The following GPRC5B variants were observed in gnomAD, a reference collection of about 807,000 sequenced individuals.
GPRC5B encodes the protein G protein-coupled receptor class C group 5 member B, also known as G protein-coupled receptor family C group 5 member B.
GPRC5B carries 16 observed loss-of-function variants against 30.1 expected under a neutral mutation model. The ratio of observed to expected loss-of-function variants is 0.53; its 90% CI spans 0.36 to 0.81. The LOEUF (loss-of-function observed/expected upper bound fraction) is 0.81, where lower values mean the gene tolerates loss of function less well. Ranked by LOEUF, GPRC5B falls within the 30% of genes least tolerant of loss-of-function variation. The pLI, the probability that GPRC5B is intolerant of heterozygous loss-of-function variation, is 0.01. For synonymous variants in GPRC5B, 241 were observed against 239.5 expected (o/e 1.01, Z -0.06); for missense variants, 428 against 544.7 (o/e 0.79, Z 2.13).
rs1474981565 is a variant in GPRC5B at position 19,857,956 on chromosome 16, C to G, written c.*2544G>C. 1 of 152,504 alleles carries G rather than the reference C, an allele frequency of 6.6e-6. No individual in the cohort carries two copies. Among genetic ancestry groups the G allele is most frequent in the East Asian group, 1.9e-4 (1 of 5,206 alleles). The allele number at this position is 152,504 out of a possible 1,614,324, so 9.4% of individuals were successfully genotyped here. On this transcript the variant is annotated 3_prime_UTR_variant, in exon 4 of 4. Transcript: ENST00000300571. ...GGGGGACAAGAGTGGCTGTTATAGA[C>G]CCAAAGCGATTTTAATAACCAGACA...
intron 1 of GPRC5B, among the ~76,000 whole-genome samples, chr16:19,873,887 C>T (rs2056741992): frequency 6.6e-6 from 1 of 152,154 alleles, no homozygotes; most frequent in African/African-American, 2.4e-5. Flanking sequence ...TCAAACGATT[C>T]TCCTGCCTCA....
intron 3 of GPRC5B, among the ~76,000 whole-genome samples, chr16:19,861,102 AAAG>A (rs1448746959): frequency 6.6e-6 from 1 of 151,748 alleles, no homozygotes; most frequent in Non-Finnish European, 1.5e-5. Context: ...AAAAAAAAAA[AAAG>A]AAGAATGCTC....
At chr16:19,865,126 C>CTCAAAAT (rs2056656554) in intron 2 of GPRC5B, among the ~76,000 whole-genome samples, 1 of 151,648 alleles carries the variant, frequency 6.6e-6, no homozygotes, top group Admixed American at 6.6e-5. Flanking sequence ...TCAGGCTGGT[C>CTCAAAAT]TCAAAATTCC....
intron 1 of GPRC5B, among the ~76,000 whole-genome samples, chr16:19,875,746 T>G (rs950180045): frequency 7.9e-5 from 12 of 152,218 alleles, no homozygotes; most frequent in Admixed American, 6.5e-4. Flanking sequence ...GCCACTGCAC[T>G]CCAGCCTGGG....
chr16:19,861,186 A>T (rs1393901313), intron 3 of GPRC5B, among the ~76,000 whole-genome samples: 2 of 151,966 alleles, frequency 1.3e-5, no homozygotes, highest in Non-Finnish European at 2.9e-5. Flanking sequence ...ACTGGCTCAG[A>T]CCTTGTTTCT....
intron 2 of GPRC5B, among the ~76,000 whole-genome samples, chr16:19,864,672 C>T (rs891124055): frequency 4.6e-5 from 7 of 152,258 alleles, no homozygotes; most frequent in Admixed American, 1.3e-4. Flanking sequence ...AACCATAGCT[C>T]CTGGGCACCG....
At chr16:19,884,087 C>T (rs913429491) in intron 1 of GPRC5B, among the ~76,000 whole-genome samples, 3 of 147,928 alleles carry the variant, frequency 2.0e-5, no homozygotes, top group South Asian at 2.2e-4. Flanking sequence ...GCCACTGCCC[C>T]CCCCGCCATT....
chr16:19,865,318 A>C (rs554566571), intron 2 of GPRC5B, among the ~76,000 whole-genome samples: 18 of 152,266 alleles, frequency 1.2e-4, no homozygotes, highest in African/African-American at 3.8e-4. Context: ...TGGGGCTTCG[A>C]TGCGTTTATC....
rs1171703658 is a variant in GPRC5B, at chr16:19,858,215, C to T, written c.*2285G>A. Reference sequence around the variant, plus strand: ...GAAAAAGAACAGCTCTCTCCCTTCTCCTCTCACTCCCGCCTCCGCCCCCAT... The same window carrying T: ...GAAAAAGAACAGCTCTCTCCCTTCTTCTCTCACTCCCGCCTCCGCCCCCAT... On this transcript the variant is annotated 3_prime_UTR_variant, in exon 4 of 4. Transcript: ENST00000300571. 2 of 340,074 alleles carry T rather than the reference C, an allele frequency of 5.9e-6. No homozygotes were observed. The highest frequency in any genetic ancestry group is 1.1e-5 in the Non-Finnish European group (2 of 190,028). The allele number at this position is 340,074 out of a possible 1,614,324, so 21.1% of individuals were successfully genotyped here.
chr16:19,861,087 T>TTAAAAAAAAAAAAAAAAAAAAAAA (rs569493402), intron 3 of GPRC5B, among the ~76,000 whole-genome samples: 1 of 93,404 alleles, frequency 1.1e-5, no homozygotes, highest in African/African-American at 4.9e-5. Context: ...CTGATTTACA[T>TTAAAAAAAAAAAAAAAAAAAAAAA]AAAAAAAAAA....
intron 2 of GPRC5B, 178 bp from the exon 3 acceptor site, chr16:19,862,151 C>T (rs2056630766): frequency 1.7e-6 from 1 of 596,662 alleles, no homozygotes. Context: ...TTCTCAGGCT[C>T]TCTAGGAGCC....
intron 2 of GPRC5B, among the ~76,000 whole-genome samples, chr16:19,863,445 G>T (rs2056642270): frequency 6.6e-6 from 1 of 150,582 alleles, no homozygotes; most frequent in African/African-American, 2.4e-5. Flanking sequence ...CACACAGCTG[G>T]TAAGGGGCAC....
At chr16:19,870,141 C>T (rs1159195125) in intron 2 of GPRC5B, among the ~76,000 whole-genome samples, 1 of 152,190 alleles carries the variant, frequency 6.6e-6, no homozygotes. Context: ...GCCCCAGCCT[C>T]CTTTTCTTCC....
intron 3 of GPRC5B, among the ~76,000 whole-genome samples, chr16:19,861,207 T>G (rs876856): frequency 0.11 from 16,991 of 151,866 alleles, 1,228 homozygotes; most frequent in East Asian, 0.25. Context: ...GAAAGAAGCA[T>G]GTAGCTATGT....
chr16:19,860,396 G>A lies in GPRC5B; in HGVS notation c.*104C>T. 2.8e-6 allele frequency: 2 copies of A among 718,556 alleles called. No individual in the cohort carries two copies. Among genetic ancestry groups the A allele is most frequent in the East Asian group, 5.3e-5 (2 of 37,784 alleles). 44.5% of individuals were successfully genotyped at this position (718,556 alleles called of 1,614,324 possible). On this transcript the variant is annotated 3_prime_UTR_variant, in exon 4 of 4. Transcript: ENST00000300571. ...GGATTTCCAAATTTCCTGGCTGTGA[G>A]GCGGCCTGGTTCGGCAACTGTTACC...
chr16:19,861,099 AAAAAAG>A (rs1230551577), intron 3 of GPRC5B, among the ~76,000 whole-genome samples: 2 of 151,600 alleles, frequency 1.3e-5, no homozygotes, highest in African/African-American at 4.9e-5. Context: ...AAAAAAAAAA[AAAAAAG>A]AAGAATGCTC....
chr16:19,872,050 C>G lies in GPRC5B; in HGVS notation c.796G>C (p.Ala266Pro). 1.2e-6 allele frequency: 2 copies of G among 1,614,056 alleles called. No individual in the cohort carries two copies. Among genetic ancestry groups the G allele is most frequent in the Non-Finnish European group, 1.7e-6 (2 of 1,179,996 alleles). The change falls in exon 2 of 4, where the codon GCC becomes CCC. Residue 266 changes from alanine to proline, a missense_variant. Around this residue, in one of 3 missense-constraint regions of GPRC5B, gnomAD observed 213 missense variants for 229.1 expected, o/e 0.93. Transcript: ENST00000300571. The surrounding 1 kb of genome is among the most constrained non-coding windows in gnomAD (Gnocchi z 5.0). ...ATGGCCAAGGTGGGGTCGTTCCAGG[C>G]ATCCCCCTGCTGCAGCTTGACATTG... Reference protein sequence around the residue: ...FGNVKLQQGDAWNDPTLAITL... With the variant: ...FGNVKLQQGDPWNDPTLAITL...
intron 2 of GPRC5B, among the ~76,000 whole-genome samples, chr16:19,870,594 AG>A (rs1458435278): frequency 6.6e-6 from 1 of 152,252 alleles, no homozygotes; most frequent in Admixed American, 6.5e-5. Context: ...GGCCCAAATT[AG>A]TACATTCCCG....
At chr16:19,871,482 C>T (rs1421293025) in intron 2 of GPRC5B, among the ~76,000 whole-genome samples, 2 of 151,950 alleles carry the variant, frequency 1.3e-5, no homozygotes, top group African/African-American at 2.4e-5. Context: ...ATTAGCTGGG[C>T]GTGGTGGCAC....
Sources: gnomAD v4.1 joint callset for allele counts (sites outside exome capture counted in the v4.1 genomes callset) on GRCh38, gnomAD v4.1.1 for gene constraint, gnomAD v4.1.1 regional missense constraint, Gnocchi (gnomAD v3.1) non-coding constraint, MANE v1.5 for transcripts, NCBI Gene and HGNC (gene_info 2026-07-23, HGNC 2026-07-21) for gene names.